Variants in STK3 observed in about 807,000 individuals in gnomAD.
STK3 encodes the protein serine/threonine kinase 3.
In STK3, 41 loss-of-function variants were observed where a neutral mutation model predicts 58.0. The ratio of observed to expected loss-of-function variants is 0.71; its 90% CI spans 0.55 to 0.92. STK3 has a LOEUF of 0.92. STK3 is among the 40% of genes least tolerant of loss of function. The probability of loss-of-function intolerance (pLI) is 0.00; values close to 1 mark genes in which losing one functional copy is unlikely to be tolerated. For synonymous variants in STK3, 170 were observed against 191.0 expected (o/e 0.89, Z 0.91); for missense variants, 479 against 602.7 (o/e 0.79, Z 2.15).
At chr8:98,426,642 A>G (rs1315793198) in intron 3 of STK3, among the ~76,000 whole-genome samples, 1 of 152,170 alleles carries the variant, frequency 6.6e-6, no homozygotes, top group Non-Finnish European at 1.5e-5. Flanking sequence ...AAAAGGGGAC[A>G]CCTGGAGTTC....
chr8:98,539,355 G>A (rs918790948), intron 9 of STK3, among the ~76,000 whole-genome samples: 4 of 152,146 alleles, frequency 2.6e-5, no homozygotes, highest in Admixed American at 6.5e-5. Context: ...CGGCATGGAA[G>A]TAGATGCTCA....
At chr8:98,740,458 G>T (rs913770737) in intron 4 of STK3, among the ~76,000 whole-genome samples, 1 of 152,174 alleles carries the variant, frequency 6.6e-6, no homozygotes, top group African/African-American at 2.4e-5. Context: ...TTAAAGAAAA[G>T]AATTTTTAAA....
chr8:98,861,703 A>T (rs1836945141), intron 3 of STK3, among the ~76,000 whole-genome samples: 1 of 152,152 alleles, frequency 6.6e-6, no homozygotes, highest in Non-Finnish European at 1.5e-5. Flanking sequence ...GAATGGCAGC[A>T]CCTTGGTATG....
chr8:98,734,195 C>T (rs757720512), intron 4 of STK3, among the ~76,000 whole-genome samples: 3 of 152,202 alleles, frequency 2.0e-5, no homozygotes, highest in Non-Finnish European at 2.9e-5. Context: ...TCCCCGAACA[C>T]TGGGGATTAC....
intron 6 of STK3, among the ~76,000 whole-genome samples, chr8:98,611,913 C>T (rs1181498777): frequency 6.6e-6 from 1 of 151,902 alleles, no homozygotes; most frequent in East Asian, 1.9e-4. Context: ...TAAAAACTTA[C>T]CATTTTTAGA....
At chr8:98,465,721 G>T (rs778708512) in intron 10 of STK3, among the ~76,000 whole-genome samples, 1 of 152,184 alleles carries the variant, frequency 6.6e-6, no homozygotes, top group Admixed American at 6.5e-5. Flanking sequence ...TTCCACAGTT[G>T]GTTTGGTGCT....
intron 10 of STK3, among the ~76,000 whole-genome samples, chr8:98,514,141 G>A (rs1365652533): frequency 1.3e-5 from 2 of 152,074 alleles, no homozygotes; most frequent in African/African-American, 4.8e-5. Flanking sequence ...ATTAGACCTA[G>A]GAGGGGAGAA....
intron 6 of STK3, among the ~76,000 whole-genome samples, chr8:98,653,626 A>T (rs1197802349): frequency 2.0e-5 from 3 of 152,030 alleles, no homozygotes; most frequent in Non-Finnish European, 4.4e-5. Flanking sequence ...ATCAAATAGA[A>T]GCAATAAAAA....
intron 9 of STK3, among the ~76,000 whole-genome samples, chr8:98,544,393 TG>T (rs1485591653): frequency 1.3e-5 from 2 of 152,152 alleles, no homozygotes; most frequent in East Asian, 3.8e-4. Context: ...TAATATATAC[TG>T]TAGTTCTCTA....
intron 4 of STK3, among the ~76,000 whole-genome samples, chr8:98,748,709 T>TA (rs1221026809): frequency 3.9e-5 from 6 of 152,034 alleles, no homozygotes; most frequent in African/African-American, 1.4e-4. Flanking sequence ...CACTTCTAGT[T>TA]AGAGTTAAAA....
At chr8:98,376,253 A>G (rs1418912012) in intron 2 of STK3, among the ~76,000 whole-genome samples, 1 of 152,098 alleles carries the variant, frequency 6.6e-6, no homozygotes, top group East Asian at 1.9e-4. Flanking sequence ...TCTTTTGCCC[A>G]TTTTAAAACT....
At chr8:98,825,919 A>G (rs3133461), upstream of STK3, among the ~76,000 whole-genome samples, 1,142 of 144,460 alleles carry the variant, frequency 7.9e-3, 21 homozygotes, top group African/African-American at 0.027. Context: ...GAGAAGGTGG[A>G]CGGAGCCGGG....
chr8:98,666,350 C>T (rs1822365390), intron 6 of STK3, among the ~76,000 whole-genome samples: 1 of 152,044 alleles, frequency 6.6e-6, no homozygotes, highest in Non-Finnish European at 1.5e-5. Flanking sequence ...GATTTATCTA[C>T]TGTAAGAAAA....
intron 6 of STK3, among the ~76,000 whole-genome samples, chr8:98,687,526 C>T (rs1258570518): frequency 1.3e-5 from 2 of 152,138 alleles, no homozygotes; most frequent in Non-Finnish European, 2.9e-5. Context: ...AGTCTGTGGC[C>T]CAGGAGTTGG....
chr8:98,398,029 T>C (rs902423532), downstream of STK3, among the ~76,000 whole-genome samples: 5 of 152,122 alleles, frequency 3.3e-5, no homozygotes, highest in East Asian at 1.9e-4. Flanking sequence ...TGGACTAATA[T>C]AGCCTACCAA....
chr8:98,627,713 C>A (rs377218369), intron 6 of STK3, among the ~76,000 whole-genome samples: 2 of 151,988 alleles, frequency 1.3e-5, no homozygotes, highest in Non-Finnish European at 2.9e-5. Flanking sequence ...TATAAATTAC[C>A]CAGCTTCAGG....
intron 4 of STK3, among the ~76,000 whole-genome samples, chr8:98,724,211 G>C (rs930348767): frequency 6.6e-6 from 1 of 152,164 alleles, no homozygotes; most frequent in African/African-American, 2.4e-5. Context: ...ATAAGAACCA[G>C]TACTCTTAAA....
intron 3 of STK3, among the ~76,000 whole-genome samples, chr8:98,764,880 G>A (rs564899331): frequency 3.3e-5 from 5 of 152,198 alleles, no homozygotes; most frequent in Non-Finnish European, 7.3e-5. Flanking sequence ...GACCTTGTAT[G>A]CCACTCTTAG....
the STK3 span, among the ~76,000 whole-genome samples, chr8:98,359,586 C>T: frequency 6.6e-6 from 1 of 151,848 alleles, no homozygotes; most frequent in Non-Finnish European, 1.5e-5. Flanking sequence ...ATGCTTTCTA[C>T]CAGAATCAGG....
Sources: allele counts gnomAD v4.1 joint callset (sites outside exome capture counted in the v4.1 genomes callset), GRCh38; gene constraint gnomAD v4.1.1; transcripts MANE v1.5; gene names NCBI Gene and HGNC (gene_info 2026-07-23, HGNC 2026-07-21).